Variants in NCAM2 observed in about 807,000 individuals in gnomAD.
NCAM2 encodes the protein neural cell adhesion molecule 2.
NCAM2 carries 30 observed loss-of-function variants against 98.1 expected under a neutral mutation model. The ratio of observed to expected loss-of-function variants is 0.31; its 90% CI spans 0.23 to 0.41. The LOEUF (loss-of-function observed/expected upper bound fraction) is 0.41, where lower values mean the gene tolerates loss of function less well. Among genes scored for constraint, NCAM2 ranks in the 10% least tolerant of loss-of-function variants. The pLI is 1.00. For missense variants in NCAM2, 867 were observed against 1,005.8 expected, an observed-to-expected ratio of 0.86 and a Z score of 1.87; for synonymous variants, 368 against 342.4, an observed-to-expected ratio of 1.07 and a Z score of -0.83.
chr21:21,082,275 T>TAAAAAAAA (rs2065820822), intron 1 of NCAM2, among the ~76,000 whole-genome samples: 1 of 21,086 alleles, frequency 4.7e-5, no homozygotes, highest in African/African-American at 1.5e-4. Flanking sequence ...CTATCAGAGC[T>TAAAAAAAA]CAAAACAAAA....
At chr21:21,280,541 A>G (rs1206041993) in intron 1 of NCAM2, 37 bp from the exon 2 acceptor site, 1 of 1,435,484 alleles carries the variant, frequency 7.0e-7, no homozygotes, top group African/African-American at 1.4e-5. Context: ...AATCACGCTT[A>G]AAAATCACCA....
intron 5 of NCAM2, among the ~76,000 whole-genome samples, chr21:21,301,796 G>A (rs1030841022): frequency 2.0e-5 from 3 of 150,898 alleles, no homozygotes; most frequent in Non-Finnish European, 4.4e-5. Flanking sequence ...CAAAAAGTGG[G>A]CGAAGGACAT....
At chr21:21,384,517 C>A (rs1432654054) in intron 9 of NCAM2, among the ~76,000 whole-genome samples, 2 of 151,642 alleles carry the variant, frequency 1.3e-5, no homozygotes, top group African/African-American at 4.8e-5. Context: ...AGGAAAATAC[C>A]AAATATATTG....
rs752483380 is a variant in NCAM2 at position 21,477,479 on chromosome 21, A to G, written c.2077+8A>G. 1.9e-6 allele frequency: 3 copies of G among 1,575,582 alleles called. No individual in the cohort carries two copies. The highest frequency in any genetic ancestry group is 2.6e-6 in the Non-Finnish European group (3 of 1,156,018). On this transcript the variant is annotated splice_region_variant and intron_variant, in intron 15 of 17. Transcript: ENST00000400546. ...AGCCCAACATTATTAAAGGTAAGCAAAACTATATTCTTTTTTAGACTGAAC... is the reference window on the plus strand; with the variant it reads ...AGCCCAACATTATTAAAGGTAAGCAGAACTATATTCTTTTTTAGACTGAAC...
intron 8 of NCAM2, among the ~76,000 whole-genome samples, chr21:21,357,801 T>C (rs2147976158): frequency 6.6e-6 from 1 of 152,058 alleles, no homozygotes; most frequent in African/African-American, 2.4e-5. Flanking sequence ...AAAAAACAAA[T>C]AATACAGAAC....
intron 17 of NCAM2, 123 bp downstream of exon 17, chr21:21,534,779 T>C: frequency 1.0e-6 from 1 of 993,592 alleles, no homozygotes; most frequent in Non-Finnish European, 1.3e-6. Flanking sequence ...TTTTACTTTT[T>C]TGATGAAAGT....
Position 21,410,356 on chromosome 21 carries a change from G to A in NCAM2, c.1278G>A (p.Ser426=), listed in dbSNP as rs766563778. Residue 426 remains serine (S), a synonymous_variant, in exon 10 of 18, where the codon TCG becomes TCA. Transcript: ENST00000400546. ...TCAATATAAGTTGTGATGTGAAATCGAATCCACCAGCATCAATTCACTGGA... is the reference window on the plus strand; with the variant it reads ...TCAATATAAGTTGTGATGTGAAATCAAATCCACCAGCATCAATTCACTGGA... ...NPINISCDVK[S]NPPASIHWRR... is the part of the protein sequence containing the mutation. 1 of 1,601,134 alleles carries A rather than the reference G, an allele frequency of 6.2e-7. No individual in the cohort carries two copies. Among genetic ancestry groups the A allele is most frequent in the South Asian group, 1.1e-5 (1 of 89,126 alleles).
At chr21:21,536,285 A>G (rs529401279) in intron 17 of NCAM2, among the ~76,000 whole-genome samples, 1 of 152,246 alleles carries the variant, frequency 6.6e-6, no homozygotes, top group African/African-American at 2.4e-5. Context: ...ATTCAAAAAT[A>G]TAAAATAAAT....
chr21:21,183,270 A>G (rs1348080946), intron 1 of NCAM2, among the ~76,000 whole-genome samples: 2 of 152,186 alleles, frequency 1.3e-5, no homozygotes, highest in African/African-American at 4.8e-5. Context: ...CATAACTGAT[A>G]CATTATGAGG....
chr21:21,060,117 C>T (rs2065291304), intron 1 of NCAM2, among the ~76,000 whole-genome samples: 1 of 151,870 alleles, frequency 6.6e-6, no homozygotes, highest in African/African-American at 2.4e-5. Flanking sequence ...TTGTGAGTGG[C>T]CATTATAGCT....
chr21:21,085,588 TGTC>T (rs1436398508), intron 1 of NCAM2, among the ~76,000 whole-genome samples: 6 of 152,166 alleles, frequency 3.9e-5, no homozygotes, highest in Non-Finnish European at 7.3e-5. Flanking sequence ...CCATTCTAGC[TGTC>T]GTGGTTGGAG....
intron 1 of NCAM2, among the ~76,000 whole-genome samples, chr21:21,256,997 T>C (rs1486516648): frequency 6.6e-6 from 1 of 152,230 alleles, no homozygotes; most frequent in Non-Finnish European, 1.5e-5. Flanking sequence ...GAATTGAACC[T>C]GCAGCAATTC....
At chr21:21,289,780 G>T (rs959074491) in intron 4 of NCAM2, among the ~76,000 whole-genome samples, 2 of 151,688 alleles carry the variant, frequency 1.3e-5, no homozygotes, top group Admixed American at 6.6e-5. Flanking sequence ...ATTCAAAGGG[G>T]GCATCATTAA....
At chr21:21,286,556 A>G (rs2073108377) in intron 4 of NCAM2, 144 bp downstream of exon 4, 1 of 907,300 alleles carries the variant, frequency 1.1e-6, no homozygotes. Flanking sequence ...TAAGCTCTAC[A>G]TTAGGATTTT....
At chr21:21,498,796 T>G (rs901821501) in intron 15 of NCAM2, among the ~76,000 whole-genome samples, 4 of 152,190 alleles carry the variant, frequency 2.6e-5, no homozygotes, top group African/African-American at 9.7e-5. Context: ...ACAATGAAGA[T>G]GAATTGATCT....
chr21:21,479,608 A>AAAAAAAAAAAAAATT (rs1491473437), intron 15 of NCAM2, among the ~76,000 whole-genome samples: 3 of 127,918 alleles, frequency 2.3e-5, no homozygotes, highest in Non-Finnish European at 3.5e-5. Flanking sequence ...AAAAAAAAAA[A>AAAAAAAAAAAAAATT]TTGTTGATGA....
At chr21:21,463,556 A>G (rs1983276796) in intron 12 of NCAM2, among the ~76,000 whole-genome samples, 1 of 152,064 alleles carries the variant, frequency 6.6e-6, no homozygotes. Flanking sequence ...GGACTGTAAT[A>G]ACAGTTTAGC....
chr21:21,347,080 T>A (rs1408684851), intron 8 of NCAM2, among the ~76,000 whole-genome samples: 1 of 151,590 alleles, frequency 6.6e-6, no homozygotes, highest in Non-Finnish European at 1.5e-5. Context: ...AATGAAACAA[T>A]AAGTTGCTTT....
chr21:21,109,219 A>G (rs1051653357), intron 1 of NCAM2, among the ~76,000 whole-genome samples: 1 of 152,150 alleles, frequency 6.6e-6, no homozygotes, highest in African/African-American at 2.4e-5. Flanking sequence ...TTCCATTGTT[A>G]AGATTAATAA....
Sources: gnomAD v4.1 joint callset for allele counts (sites outside exome capture counted in the v4.1 genomes callset) on GRCh38, gnomAD v4.1.1 for gene constraint, MANE v1.5 for transcripts, NCBI Gene and HGNC (gene_info 2026-07-23, HGNC 2026-07-21) for gene names.